The following TMPRSS11F variants were observed in gnomAD, a reference collection of about 807,000 sequenced individuals.
The protein encoded by TMPRSS11F is transmembrane serine protease 11F, also known as transmembrane protease serine 11F.
In TMPRSS11F, 47 loss-of-function variants were observed where a neutral mutation model predicts 60.2. The ratio of observed to expected loss-of-function variants is 0.78; its 90% CI spans 0.62 to 1.00. The LOEUF is 1.00. TMPRSS11F is among the 50% of genes least tolerant of loss of function. The probability of loss-of-function intolerance (pLI) is 0.00; values close to 1 mark genes in which losing one functional copy is unlikely to be tolerated. For missense variants in TMPRSS11F, 519 were observed against 522.9 expected (o/e 0.99, Z 0.07); for synonymous variants, 166 against 167.3 (o/e 0.99, Z 0.06).
chr4:68,090,929 T>C (rs1249556447), intron 2 of TMPRSS11F, among the ~76,000 whole-genome samples: 2 of 152,114 alleles, frequency 1.3e-5, no homozygotes, highest in African/African-American at 2.4e-5. Context: ...AAAGATAATA[T>C]CGAAAGCAAT....
At chr4:68,067,477 ATT>A (rs2109839614) in intron 7 of TMPRSS11F, among the ~76,000 whole-genome samples, 1 of 152,296 alleles carries the variant, frequency 6.6e-6, no homozygotes, top group Non-Finnish European at 1.5e-5. Flanking sequence ...GGAATTCTGG[ATT>A]TGTTTATTTT....
At chr4:68,113,592 G>A (rs958135617) in intron 1 of TMPRSS11F, among the ~76,000 whole-genome samples, 2 of 152,032 alleles carry the variant, frequency 1.3e-5, no homozygotes, top group East Asian at 1.9e-4. Flanking sequence ...ATGTTAAAAC[G>A]ATCCGTAAAT....
intron 5 of TMPRSS11F, among the ~76,000 whole-genome samples, chr4:68,072,093 G>T (rs1464463084): frequency 6.6e-6 from 1 of 150,820 alleles, no homozygotes; most frequent in African/African-American, 2.4e-5. Flanking sequence ...AAAAAGTTTA[G>T]AAAGCTTATT....
intron 1 of TMPRSS11F, among the ~76,000 whole-genome samples, chr4:68,111,974 A>C (rs1034426633): frequency 6.6e-6 from 1 of 152,172 alleles, no homozygotes. Flanking sequence ...TACTTACTTA[A>C]TTATCACAAT....
At chr4:68,107,641 A>G (rs530426455) in intron 1 of TMPRSS11F, among the ~76,000 whole-genome samples, 1 of 152,324 alleles carries the variant, frequency 6.6e-6, no homozygotes, top group South Asian at 2.1e-4. Flanking sequence ...AGATCATTAT[A>G]GACCACATCA....
intron 3 of TMPRSS11F, among the ~76,000 whole-genome samples, chr4:68,083,222 A>T (rs1197557429): frequency 1.3e-5 from 2 of 152,200 alleles, no homozygotes; most frequent in Non-Finnish European, 2.9e-5. Context: ...GTCTCTTGGC[A>T]ACCTAATCTT....
chr4:68,119,804 G>A (rs781571215), intron 1 of TMPRSS11F, among the ~76,000 whole-genome samples: 5 of 152,128 alleles, frequency 3.3e-5, no homozygotes, highest in African/African-American at 4.8e-5. Flanking sequence ...TGCAGTCCAC[G>A]GATCAAGGAG....
At position 68,099,260 on chromosome 4, in the gene TMPRSS11F, T is replaced by A. The variant is rs73825379; in HGVS notation, c.12-222A>T. On this transcript the variant is annotated intron_variant, in intron 1 of 9. Transcript: ENST00000356291. ...AGTTCTGCTGATGTTGACATTCAAG[T>A]GAGGATATCTTCCCACGGCATTTTA... 5.9e-3 allele frequency among the ~76,000 whole-genome samples: 892 copies of A among 152,326 alleles called. 10 individuals are homozygous for A. Among genetic ancestry groups the A allele is most frequent in the African/African-American group, 0.02 (844 of 41,584 alleles).
At chr4:68,106,951 C>CT (rs2109877764) in intron 1 of TMPRSS11F, among the ~76,000 whole-genome samples, 1 of 152,290 alleles carries the variant, frequency 6.6e-6, no homozygotes, top group South Asian at 2.1e-4. Flanking sequence ...TTCAAAATCA[C>CT]TATTACCATC....
intron 7 of TMPRSS11F, among the ~76,000 whole-genome samples, chr4:68,067,316 C>T (rs1245586906): frequency 2.0e-5 from 3 of 152,172 alleles, no homozygotes; most frequent in African/African-American, 7.2e-5. Context: ...ATTAGAAAAA[C>T]TTCTTTTATC....
At chr4:68,068,962 A>C in intron 6 of TMPRSS11F, 143 bp from the exon 7 acceptor site, 1 of 794,398 alleles carries the variant, frequency 1.3e-6, no homozygotes, top group South Asian at 1.7e-5. Flanking sequence ...TATTTGATAC[A>C]GGTCTTGCTG....
rs768618399 is a variant in TMPRSS11F, at chr4:68,073,973, G to C, written c.319C>G (p.Arg107Gly). The change falls in exon 4 of 10, where the codon CGA (arginine) becomes GGA (glycine). Residue 107 changes from arginine (R) to glycine (G), a missense_variant. Arg to Gly is a moderately radical substitution (Grantham distance 125). Transcript: ENST00000356291. ...TTGATAACATGAGATTTGATAAATCGACCGCCTACAGAAGAATGTCGAAAT... is the reference window on the plus strand; with the variant it reads ...TTGATAACATGAGATTTGATAAATCCACCGCCTACAGAAGAATGTCGAAAT... ...RIFRHSSVGG[R>G]FIKSHVIKLS... 1.3e-6 allele frequency: 2 copies of C among 1,583,088 alleles called. No individual in the cohort carries two copies. The highest frequency in any genetic ancestry group is 2.3e-5 in the East Asian group (1 of 43,810).
At chr4:68,103,922 A>G (rs1412484566) in intron 1 of TMPRSS11F, among the ~76,000 whole-genome samples, 1 of 152,130 alleles carries the variant, frequency 6.6e-6, no homozygotes, top group Non-Finnish European at 1.5e-5. Flanking sequence ...ACTATTGGAA[A>G]TAGAATTGTT....
chr4:68,072,499 A>C lies in TMPRSS11F; in HGVS notation c.351-13T>G, dbSNP rs1403584487. 6.8e-7 allele frequency: 1 copy of C among 1,469,940 alleles called. No homozygotes were observed. The highest frequency in any genetic ancestry group is 9.1e-7 in the Non-Finnish European group (1 of 1,103,676). 91.1% of individuals were successfully genotyped at this position (1,469,940 alleles called of 1,614,324 possible). On this transcript the variant is annotated splice_polypyrimidine_tract_variant and intron_variant, in intron 4 of 9. Transcript: ENST00000356291. ...TTGTTCATCTGGACTGAAGAACAAA[A>C]AAGCAGATAAAAATGGCATTTATCT...
intron 2 of TMPRSS11F, among the ~76,000 whole-genome samples, chr4:68,098,162 G>A (rs1428044898): frequency 1.3e-5 from 2 of 152,040 alleles, no homozygotes; most frequent in Non-Finnish European, 2.9e-5. Flanking sequence ...AAAATTAACC[G>A]AGTGTAGTGG....
At chr4:68,127,456 C>T (rs1203497082) in intron 1 of TMPRSS11F, among the ~76,000 whole-genome samples, 4 of 152,024 alleles carry the variant, frequency 2.6e-5, no homozygotes, top group Admixed American at 2.6e-4. Context: ...CTCTGCCTCA[C>T]TTGCAGAGGG....
rs187470026 is a variant in TMPRSS11F, at chr4:68,126,839, G to A, written c.11+2971C>T. Among the ~76,000 whole-genome samples, 133 of 152,322 alleles carry A rather than the reference G, an allele frequency of 8.7e-4. 1 individual carries two copies. Among genetic ancestry groups the A allele is most frequent in the African/African-American group, 3.0e-3 (124 of 41,570 alleles). On this transcript the variant is annotated intron_variant, in intron 1 of 9. Coordinates refer to ENST00000356291, the MANE Select transcript of TMPRSS11F (RefSeq NM_207407.2). The stretch of plus-strand genomic sequence containing the variant: ...ACTTCAGGAACAATTAAGATGTGAA[G>A]GTAGGAGAAAAATTTCACAGTAACT...
At chr4:68,060,600 C>CA (rs2109830041) in intron 8 of TMPRSS11F, among the ~76,000 whole-genome samples, 1 of 113,344 alleles carries the variant, frequency 8.8e-6, no homozygotes, top group South Asian at 3.4e-4. Flanking sequence ...AAGTATCTCT[C>CA]TTTTTTTTTT....
At chr4:68,122,951 T>C (rs895540999) in intron 1 of TMPRSS11F, among the ~76,000 whole-genome samples, 2 of 152,194 alleles carry the variant, frequency 1.3e-5, no homozygotes, top group Middle Eastern at 3.2e-3. Flanking sequence ...GGTAAGAACA[T>C]AGTCACAGTT....
Sources: allele counts gnomAD v4.1 joint callset (sites outside exome capture counted in the v4.1 genomes callset), GRCh38; gene constraint gnomAD v4.1.1; transcripts MANE v1.5; gene names NCBI Gene and HGNC (gene_info 2026-07-23, HGNC 2026-07-21).